ARHGEF18: variants seen among roughly 807,000 people sequenced by gnomAD.
The protein encoded by ARHGEF18 is Rho/Rac guanine nucleotide exchange factor 18.
Under a neutral mutation model 155.7 loss-of-function variants are expected in ARHGEF18, and 93 were observed. That is an observed-to-expected ratio of 0.60 (90% CI 0.50 to 0.71). ARHGEF18 has a LOEUF of 0.71. ARHGEF18 is among the 30% of genes least tolerant of loss of function. ARHGEF18 has a pLI of 0.00. For synonymous variants in ARHGEF18, 742 were observed against 753.1 expected, an observed-to-expected ratio of 0.99 and a Z score of 0.24; for missense variants, 1,593 against 1,816.1, an observed-to-expected ratio of 0.88 and a Z score of 2.23.
At position 7,409,061 on chromosome 19, in the gene ARHGEF18, T is replaced by C. The variant is rs910225088; in HGVS notation, c.967+25858T>C. Among the ~76,000 whole-genome samples the C allele has an allele frequency of 1.5e-3, 219 of 145,838 alleles. 1 individual carries two copies. Among genetic ancestry groups the C allele is most frequent in the Middle Eastern group, 6.9e-3 (2 of 288 alleles). On this transcript the variant is annotated intron_variant, in intron 10 of 28. Transcript: ENST00000668164. ...GGCAAGAGCAAGACCCTGTTTCTTT[T>C]TTTTTTTTTTTTTTTTGAGTTGGAG...
chr19:7,463,681 G>A lies in ARHGEF18; in HGVS notation c.2636-137G>A, dbSNP rs1337264665. The A allele has an allele frequency of 3.6e-5, 40 of 1,113,458 alleles. No homozygotes were observed. Among genetic ancestry groups the A allele is most frequent in the African/African-American group, 6.4e-5 (4 of 62,622 alleles). 69.0% of individuals were successfully genotyped at this position (1,113,458 alleles called of 1,614,324 possible). The stretch of plus-strand genomic sequence containing the variant: ...AGGGACAGTGGGGCTGAAATCCCAC[G>A]GCACACAGAAGGGGGCAGGCGATCA... On this transcript the variant is annotated intron_variant, in intron 21 of 28. Transcript: ENST00000668164. The surrounding 1 kb of genome is among the most constrained non-coding windows in gnomAD (Gnocchi z 5.2).
downstream of ARHGEF18, among the ~76,000 whole-genome samples, chr19:7,474,387 A>T (rs202113153): frequency 0.026 from 3,884 of 151,922 alleles, 106 homozygotes; most frequent in East Asian, 0.1. Flanking sequence ...ATTTTTATTT[A>T]TTTTTTTGAC....
intron 9 of ARHGEF18, 69 bp from the exon 10 acceptor site, chr19:7,382,993 G>C (rs1267748693): frequency 3.2e-6 from 4 of 1,232,190 alleles, no homozygotes; most frequent in Non-Finnish European, 4.0e-6. Context: ...GTGGTGGGCT[G>C]GGTACACAGT....
At chr19:7,355,475 C>A (rs1969264256) in intron 1 of ARHGEF18, 3 of 358,652 alleles carry the variant, frequency 8.4e-6, no homozygotes, top group South Asian at 2.2e-4. Context: ...GAGCTGGAAA[C>A]CCCAGCCCCC....
Position 7,467,611 on chromosome 19 carries a change from G to A in ARHGEF18, c.3407G>A (p.Arg1136His). Residue 1136 changes from arginine to histidine, a missense_variant, in exon 26 of 29, where the codon CGC (arginine) becomes CAC (histidine). By Grantham distance (29) the Arg-to-His change is conservative (BLOSUM62 0). Coordinates refer to ENST00000668164, the MANE Select transcript of ARHGEF18 (RefSeq NM_001367823.1). ...AQRAVERERERLELLRRLKKQ... is the reference protein window; with the variant it reads ...AQRAVEREREHLELLRRLKKQ... The stretch of plus-strand genomic sequence containing the variant: ...CGTGCCGTGGAGCGCGAGCGGGAGC[G>A]CCTGGAGCTGCTGCGCCGCCTCAAG... 6.6e-7 allele frequency: 1 copy of A among 1,511,704 alleles called. No homozygotes were observed. The highest frequency in any genetic ancestry group is 1.2e-5 in the South Asian group (1 of 81,800). 93.6% of individuals were successfully genotyped at this position (1,511,704 alleles called of 1,614,324 possible). A position where few individuals can be genotyped will look rare whatever the true frequency, so the allele number is the denominator to read the frequency against.
intron 10 of ARHGEF18, among the ~76,000 whole-genome samples, chr19:7,421,332 A>G (rs545207247): frequency 6.6e-6 from 1 of 152,332 alleles, no homozygotes; most frequent in East Asian, 1.9e-4. Flanking sequence ...TGCTTCTGCA[A>G]CCAAAGCAGA....
intron 16 of ARHGEF18, among the ~76,000 whole-genome samples, chr19:7,452,538 T>A (rs1478285800): frequency 6.6e-6 from 1 of 152,052 alleles, no homozygotes; most frequent in Non-Finnish European, 1.5e-5. Context: ...TGATCTTGGC[T>A]CACTGCAACC....
At chr19:7,453,861 G>C in intron 17 of ARHGEF18, 146 bp downstream of exon 17, 2 of 1,145,606 alleles carry the variant, frequency 1.7e-6, no homozygotes, top group Non-Finnish European at 2.3e-6. Flanking sequence ...ATCTTGGATT[G>C]GTGGGTACTC....
At chr19:7,461,276 C>T (rs1976238066) in intron 20 of ARHGEF18, among the ~76,000 whole-genome samples, 1 of 139,754 alleles carries the variant, frequency 7.2e-6, no homozygotes, top group South Asian at 2.3e-4. Context: ...AGGCTGGGTG[C>T]GGTGGCTCAC....
rs958202453 is a variant in ARHGEF18 at position 7,471,385 on chromosome 19, G to C, written c.*1087G>C. ...AAGGAGGTGTTGGGCAGCATCAAAG[G>C]TGCTGGGACATCCCAGGGTGGTGAG... On this transcript the variant is annotated 3_prime_UTR_variant, in exon 29 of 29. Coordinates refer to ENST00000668164, the MANE Select transcript of ARHGEF18 (RefSeq NM_001367823.1). The surrounding 1 kb of genome is among the most constrained non-coding windows in gnomAD (Gnocchi z 4.4). 6.6e-6 allele frequency: 1 copy of C among 152,498 alleles called. No homozygotes were observed. Among genetic ancestry groups the C allele is most frequent in the African/African-American group, 2.4e-5 (1 of 41,448 alleles). 9.4% of individuals were successfully genotyped at this position (152,498 alleles called of 1,614,324 possible).
intron 10 of ARHGEF18, among the ~76,000 whole-genome samples, chr19:7,415,539 A>C (rs1196070564): frequency 6.6e-6 from 1 of 151,972 alleles, no homozygotes; most frequent in Admixed American, 6.6e-5. Context: ...TTCAATGACA[A>C]AGTGACTCTC....
chr19:7,462,473 A>G lies in ARHGEF18; in HGVS notation c.2635+139A>G. The G allele has an allele frequency of 9.3e-7, 1 of 1,077,910 alleles. No homozygotes were observed. The highest frequency in any genetic ancestry group is 1.3e-6 in the Non-Finnish European group (1 of 776,560). The allele number at this position is 1,077,910 out of a possible 1,614,324, so 66.8% of individuals were successfully genotyped here. ...GGCTTCTATGTGGGGGGGGCCCAGGAGCAGCACTGACCGCCCCCCGGTGCC... is the reference window on the plus strand; with the variant it reads ...GGCTTCTATGTGGGGGGGGCCCAGGGGCAGCACTGACCGCCCCCCGGTGCC... On this transcript the variant is annotated intron_variant, in intron 21 of 28. Transcript: ENST00000668164. The surrounding 1 kb of genome is among the most constrained non-coding windows in gnomAD (Gnocchi z 4.4).
chr19:7,368,246 C>T (rs549838857), intron 2 of ARHGEF18, among the ~76,000 whole-genome samples: 2 of 152,206 alleles, frequency 1.3e-5, no homozygotes, highest in African/African-American at 4.8e-5. Flanking sequence ...GTGAGCCTTT[C>T]TGAAGAGTGG....
intron 10 of ARHGEF18, among the ~76,000 whole-genome samples, chr19:7,428,302 G>A (rs1973769509): frequency 6.6e-6 from 1 of 152,168 alleles, no homozygotes; most frequent in Non-Finnish European, 1.5e-5. Context: ...GGTAGTTTGT[G>A]TTCCCATCTG....
rs868207350 is a variant in ARHGEF18 at position 7,468,987 on chromosome 19, C to T, written c.3643C>T (p.Pro1215Ser). 6.3e-7 allele frequency: 1 copy of T among 1,593,406 alleles called. No individual in the cohort carries two copies. Among genetic ancestry groups the T allele is most frequent in the Middle Eastern group, 1.7e-4 (1 of 5,972 alleles). The change falls in exon 27 of 29, where the codon CCC (proline) becomes TCC (serine). Residue 1215 changes from proline (P) to serine (S), a missense_variant. Pro to Ser is a moderately conservative substitution (Grantham distance 74, BLOSUM62 -1). Transcript: ENST00000668164. ...GAACCGGCTGGCCAAGAGCGATGTG[C>T]CCATCCAGCTGCTCAGCGCCACCAA... is the stretch of plus-strand genomic sequence containing the variant. ...TENRLAKSDVPIQLLSATNQF... is the reference protein window; with the variant it reads ...TENRLAKSDVSIQLLSATNQF...
intron 10 of ARHGEF18, among the ~76,000 whole-genome samples, chr19:7,400,207 T>C (rs1181430287): frequency 1.3e-5 from 2 of 152,222 alleles, no homozygotes; most frequent in African/African-American, 4.8e-5. Flanking sequence ...AGCAGCTTTA[T>C]TGAAATATAA....
chr19:7,430,683 T>C (rs1973905532), intron 10 of ARHGEF18, among the ~76,000 whole-genome samples: 1 of 152,092 alleles, frequency 6.6e-6, no homozygotes, highest in Non-Finnish European at 1.5e-5. Context: ...TATGCGCCTA[T>C]AGTCCCAGCC....
intron 5 of ARHGEF18, among the ~76,000 whole-genome samples, chr19:7,377,220 G>A (rs948708467): frequency 2.0e-5 from 3 of 151,964 alleles, no homozygotes; most frequent in Non-Finnish European, 4.4e-5. Flanking sequence ...ACAAGCACCC[G>A]CTACCATGCC....
intron 20 of ARHGEF18, among the ~76,000 whole-genome samples, chr19:7,460,644 C>T (rs1020177200): frequency 6.6e-5 from 10 of 152,176 alleles, no homozygotes; most frequent in South Asian, 2.1e-4. Context: ...TCACACCGCG[C>T]GGCCTTTTGG....
Sources: gnomAD v4.1 joint callset for allele counts (sites outside exome capture counted in the v4.1 genomes callset) on GRCh38, gnomAD v4.1.1 for gene constraint, Gnocchi (gnomAD v3.1) non-coding constraint, MANE v1.5 for transcripts, NCBI Gene and HGNC (gene_info 2026-07-23, HGNC 2026-07-21) for gene names.